ASIC2: variants seen among roughly 807,000 people sequenced by gnomAD.
ASIC2 encodes the protein acid-sensing ion channel 2.
Under a neutral mutation model 57.3 loss-of-function variants are expected in ASIC2, and 25 were observed. The ratio of observed to expected loss-of-function variants is 0.44; its 90% CI spans 0.32 to 0.61. The LOEUF (loss-of-function observed/expected upper bound fraction) is 0.61, where lower values mean the gene tolerates loss of function less well. Ranked by LOEUF, ASIC2 falls within the 20% of genes least tolerant of loss-of-function variation. The probability of loss-of-function intolerance (pLI) is 0.06; values close to 1 mark genes in which losing one functional copy is unlikely to be tolerated. For missense variants in ASIC2, 641 were observed against 738.1 expected, an observed-to-expected ratio of 0.87 and a Z score of 1.52; for synonymous variants, 319 against 307.5, an observed-to-expected ratio of 1.04 and a Z score of -0.39.
intron 1 of ASIC2, among the ~76,000 whole-genome samples, chr17:34,108,665 A>G (rs1157724615): frequency 6.6e-6 from 1 of 152,180 alleles, no homozygotes; most frequent in East Asian, 1.9e-4. Context: ...TGTGTCATTC[A>G]TATATTTCAT....
intron 3 of ASIC2, among the ~76,000 whole-genome samples, chr17:33,036,509 C>A: frequency 6.6e-6 from 1 of 152,138 alleles, no homozygotes; most frequent in East Asian, 1.9e-4. Flanking sequence ...TAGCTCACTG[C>A]AACCTTGAAC....
chr17:33,191,128 GAAA>G (rs1455989242), intron 1 of ASIC2, among the ~76,000 whole-genome samples: 1 of 152,088 alleles, frequency 6.6e-6, no homozygotes, highest in Non-Finnish European at 1.5e-5. Context: ...CTACACAATA[GAAA>G]TATGTCTCAG....
intron 1 of ASIC2, among the ~76,000 whole-genome samples, chr17:33,736,309 G>A (rs1027871502): frequency 7.9e-5 from 12 of 151,988 alleles, no homozygotes; most frequent in Admixed American, 7.2e-4. Flanking sequence ...CCGAGGCAGC[G>A]ATAAAAGCTC....
chr17:33,213,996 C>T (rs184760994), intron 1 of ASIC2, among the ~76,000 whole-genome samples: 50 of 152,300 alleles, frequency 3.3e-4, no homozygotes, highest in African/African-American at 1.0e-3. Context: ...ATGTGGCAGG[C>T]GATCCTTGAT....
chr17:33,694,939 A>G (rs946457526), intron 1 of ASIC2, among the ~76,000 whole-genome samples: 2 of 152,180 alleles, frequency 1.3e-5, no homozygotes, highest in African/African-American at 2.4e-5. Context: ...CACGCTGCCT[A>G]CATGATTTCC....
At chr17:33,833,352 A>T (rs1051738681) in intron 1 of ASIC2, among the ~76,000 whole-genome samples, 7 of 152,144 alleles carry the variant, frequency 4.6e-5, no homozygotes, top group African/African-American at 1.7e-4. Context: ...TTACTAATTT[A>T]AAAAAACCCC....
chr17:33,962,641 C>A (rs1904961149), intron 1 of ASIC2, among the ~76,000 whole-genome samples: 2 of 152,116 alleles, frequency 1.3e-5, no homozygotes, highest in Admixed American at 1.3e-4. Flanking sequence ...AACCAAGGCT[C>A]AGCTGACTCC....
chr17:33,594,155 C>T (rs1329792685), intron 1 of ASIC2, among the ~76,000 whole-genome samples: 1 of 152,262 alleles, frequency 6.6e-6, no homozygotes, highest in African/African-American at 2.4e-5. Flanking sequence ...TTCCAGGCTG[C>T]CATTGGCCCT....
intron 1 of ASIC2, among the ~76,000 whole-genome samples, chr17:33,978,970 G>T (rs1905500020): frequency 6.6e-6 from 1 of 152,140 alleles, no homozygotes; most frequent in Non-Finnish European, 1.5e-5. Flanking sequence ...GACAGGACAG[G>T]CTTATTGTGT....
chr17:33,351,417 C>T (rs554765880), intron 1 of ASIC2, among the ~76,000 whole-genome samples: 1 of 152,316 alleles, frequency 6.6e-6, no homozygotes, highest in Admixed American at 6.5e-5. Flanking sequence ...TTAAGCCATT[C>T]AGGAAACATT....
At chr17:33,442,354 G>C (rs923050654) in intron 1 of ASIC2, among the ~76,000 whole-genome samples, 1 of 152,152 alleles carries the variant, frequency 6.6e-6, no homozygotes, top group African/African-American at 2.4e-5. Context: ...TGAATTTATA[G>C]ATCTATTTGG....
At chr17:34,105,988 T>C (rs957743963) in intron 1 of ASIC2, among the ~76,000 whole-genome samples, 2 of 152,098 alleles carry the variant, frequency 1.3e-5, no homozygotes, top group African/African-American at 4.8e-5. Context: ...TTATAATGTC[T>C]TTTTCTCCTG....
chr17:33,420,981 T>C (rs980685773), intron 1 of ASIC2, among the ~76,000 whole-genome samples: 8 of 152,158 alleles, frequency 5.3e-5, no homozygotes, highest in Admixed American at 3.9e-4. Context: ...TATCTTCTAG[T>C]TCTTGGTTTA....
chr17:33,665,290 C>T (rs552525406), intron 1 of ASIC2, among the ~76,000 whole-genome samples: 47 of 152,172 alleles, frequency 3.1e-4, no homozygotes, highest in Non-Finnish European at 2.8e-4. Flanking sequence ...ATACATATTT[C>T]GAGGTGTACT....
chr17:33,261,695 G>C (rs2142145448), intron 1 of ASIC2, among the ~76,000 whole-genome samples: 1 of 152,338 alleles, frequency 6.6e-6, no homozygotes, highest in East Asian at 1.9e-4. Flanking sequence ...GATTATATGA[G>C]CCACACAACA....
At chr17:33,772,106 A>G (rs1911130775) in intron 1 of ASIC2, among the ~76,000 whole-genome samples, 1 of 152,210 alleles carries the variant, frequency 6.6e-6, no homozygotes, top group Admixed American at 6.5e-5. Context: ...GAGTCACAGG[A>G]GCAGAACCCC....
At chr17:33,939,812 C>T (rs898655788) in intron 1 of ASIC2, among the ~76,000 whole-genome samples, 1 of 152,146 alleles carries the variant, frequency 6.6e-6, no homozygotes, top group Non-Finnish European at 1.5e-5. Flanking sequence ...GCTCATGGGA[C>T]ACATGATTTC....
chr17:33,058,539 T>C (rs1022628924), intron 3 of ASIC2, among the ~76,000 whole-genome samples: 4 of 151,908 alleles, frequency 2.6e-5, no homozygotes, highest in South Asian at 2.1e-4. Flanking sequence ...TTTTGCTTCT[T>C]ATCACTTCAC....
At chr17:33,752,706 A>C (rs1910471772) in intron 1 of ASIC2, among the ~76,000 whole-genome samples, 1 of 152,232 alleles carries the variant, frequency 6.6e-6, no homozygotes, top group South Asian at 2.1e-4. Context: ...AAGATGCTCC[A>C]CATCAATGTC....
Sources: gnomAD v4.1 joint callset for allele counts (sites outside exome capture counted in the v4.1 genomes callset) on GRCh38, gnomAD v4.1.1 for gene constraint, MANE v1.5 for transcripts, NCBI Gene and HGNC (gene_info 2026-07-23, HGNC 2026-07-21) for gene names.